Variants in ANGEL1 observed in about 807,000 individuals in gnomAD.
ANGEL1 encodes angel homolog 1.
Under a neutral mutation model 76.4 loss-of-function variants are expected in ANGEL1, and 62 were observed. That is an observed-to-expected ratio of 0.81 (90% CI 0.66 to 1.00). The LOEUF is 1.00. Ranked by LOEUF, ANGEL1 falls within the 50% of genes least tolerant of loss-of-function variation. The pLI, the probability that ANGEL1 is intolerant of heterozygous loss-of-function variation, is 0.00. For synonymous variants in ANGEL1, 340 were observed against 331.7 expected, an observed-to-expected ratio of 1.03 and a Z score of -0.27; for missense variants, 737 against 836.7, an observed-to-expected ratio of 0.88 and a Z score of 1.47.
chr14:76,803,930 G>T lies in ANGEL1; in HGVS notation c.1381-18C>A. The T allele has an allele frequency of 6.2e-7, 1 of 1,614,156 alleles. No homozygotes were observed. Among genetic ancestry groups the T allele is most frequent in the Non-Finnish European group, 8.5e-7 (1 of 1,180,034 alleles). On this transcript the variant is annotated intron_variant, in intron 5 of 9. Transcript: ENST00000251089. Reference sequence around the variant, plus strand: ...CCAGATACCTGGGTGGAAAAAGAAGGGTGGGAATAAGGAAACCAAGATAGA... The same window carrying T: ...CCAGATACCTGGGTGGAAAAAGAAGTGTGGGAATAAGGAAACCAAGATAGA...
rs1234952860 is a variant in ANGEL1, at chr14:76,788,530, T to C, written c.*698A>G. On this transcript the variant is annotated 3_prime_UTR_variant, in exon 10 of 10. Coordinates refer to ENST00000251089, the MANE Select transcript of ANGEL1 (RefSeq NM_015305.4). ...TAGCGCATCCCCCAAAATTTGCCACTCCAGGATGTGGGCCCCATTTGTTCC... is the reference window on the plus strand; with the variant it reads ...TAGCGCATCCCCCAAAATTTGCCACCCCAGGATGTGGGCCCCATTTGTTCC... 6.6e-6 allele frequency: 1 copy of C among 152,324 alleles called. No individual in the cohort carries two copies. The highest frequency in any genetic ancestry group is 1.5e-5 in the Non-Finnish European group (1 of 68,152). The allele number at this position is 152,324 out of a possible 1,614,324, so 9.4% of individuals were successfully genotyped here. A position where few individuals can be genotyped will look rare whatever the true frequency, so the allele number is the denominator to read the frequency against.
chr14:76,801,551 C>T (rs546666852), intron 7 of ANGEL1, among the ~76,000 whole-genome samples: 190 of 152,194 alleles, frequency 1.2e-3, no homozygotes, highest in Middle Eastern at 3.4e-3. Context: ...TCTTTGGGAA[C>T]TCCAATTATG....
intron 4 of ANGEL1, 145 bp from the exon 5 acceptor site, chr14:76,806,994 G>T: frequency 1.1e-6 from 1 of 939,572 alleles, no homozygotes; most frequent in Non-Finnish European, 1.6e-6. Flanking sequence ...CCTTGGTTCA[G>T]CAGGTTCCCC....
intron 7 of ANGEL1, among the ~76,000 whole-genome samples, chr14:76,797,937 T>C (rs1257111225): frequency 6.6e-6 from 1 of 152,202 alleles, no homozygotes; most frequent in Non-Finnish European, 1.5e-5. Flanking sequence ...GTTGAAATCC[T>C]AACCCCCACG....
chr14:76,807,248 A>G (rs1435390127), intron 4 of ANGEL1, among the ~76,000 whole-genome samples, 185 bp downstream of exon 4: 2 of 152,260 alleles, frequency 1.3e-5, no homozygotes, highest in Middle Eastern at 3.2e-3. Flanking sequence ...AGGATCAAAT[A>G]GCAATGTATG....
Position 76,809,436 on chromosome 14 carries a change from A to C in ANGEL1, c.272T>G (p.Leu91Arg). Residue 91 changes from leucine (L) to arginine (R), a missense_variant, in exon 2 of 10, where the codon CTG becomes CGG. By Grantham distance (102) the Leu-to-Arg change is moderately radical. This residue lies in a region of ANGEL1 where 441 missense variants were observed against 449.5 expected (regional missense o/e 0.98). Transcript: ENST00000251089. ...LIDKGLAQSS[L>R]ALLMDNPGEE... The stretch of plus-strand genomic sequence containing the variant: ...TCCAGGATTATCCATCAGAAGTGCC[A>C]GGCTGCTCTGGGCTAGTCCTTTATC... The C allele has an allele frequency of 1.9e-6, 3 of 1,614,262 alleles. No individual in the cohort carries two copies. The highest frequency in any genetic ancestry group is 2.5e-6 in the Non-Finnish European group (3 of 1,180,044).
At position 76,809,172 on chromosome 14, in the gene ANGEL1, G is replaced by A. The variant is rs756529451; in HGVS notation, c.536C>T (p.Ala179Val). ...LATEQWEEDPAVLAWSIAPEP... is the reference protein window; with the variant it reads ...LATEQWEEDPVVLAWSIAPEP... ...AGGTGCTATGCTCCAGGCCAACACC[G>A]CTGGGTCCTCTTCCCACTGCTCTGT... is the stretch of plus-strand genomic sequence containing the variant. Residue 179 changes from alanine to valine, a missense_variant, in exon 2 of 10, where the codon GCG becomes GTG. Coordinates refer to ENST00000251089, the MANE Select transcript of ANGEL1 (RefSeq NM_015305.4). The A allele has an allele frequency of 1.7e-5, 27 of 1,613,834 alleles. No individual in the cohort carries two copies. The highest frequency in any genetic ancestry group is 3.3e-4 in the Middle Eastern group (2 of 6,084).
chr14:76,800,405 T>C (rs1341995641), intron 7 of ANGEL1, among the ~76,000 whole-genome samples: 1 of 152,250 alleles, frequency 6.6e-6, no homozygotes, highest in African/African-American at 2.4e-5. Flanking sequence ...GCTGTAATAA[T>C]ACTTTGACTT....
rs1471608236 is a variant in ANGEL1 at position 76,812,858 on chromosome 14, C to T, written c.-31G>A. On this transcript the variant is annotated 5_prime_UTR_variant, in exon 1 of 10. Coordinates refer to ENST00000251089, the MANE Select transcript of ANGEL1 (RefSeq NM_015305.4). ...GCCGCCCGCGCCCGCCTCCGCTCCT[C>T]ACTGCAGCCAGCAGGTCCTCCCTCA... is the stretch of plus-strand genomic sequence containing the variant. The T allele has an allele frequency of 1.3e-5, 19 of 1,491,930 alleles. No individual in the cohort carries two copies. Among genetic ancestry groups the T allele is most frequent in the Non-Finnish European group, 1.5e-5 (17 of 1,123,382 alleles). 92.4% of individuals were successfully genotyped at this position (1,491,930 alleles called of 1,614,324 possible).
At chr14:76,799,964 G>A (rs1894713120) in intron 7 of ANGEL1, among the ~76,000 whole-genome samples, 1 of 151,952 alleles carries the variant, frequency 6.6e-6, no homozygotes, top group South Asian at 2.1e-4. Flanking sequence ...TCAGCCCTGG[G>A]TAGGAGCATT....
At chr14:76,810,892 G>A (rs1312152699) in intron 1 of ANGEL1, among the ~76,000 whole-genome samples, 2 of 152,182 alleles carry the variant, frequency 1.3e-5, no homozygotes, top group Admixed American at 1.3e-4. Context: ...TTACAGCACA[G>A]GACGAGTAAC....
chr14:76,799,248 A>G (rs1894678221), intron 7 of ANGEL1, among the ~76,000 whole-genome samples: 1 of 143,084 alleles, frequency 7.0e-6, no homozygotes, highest in Non-Finnish European at 1.5e-5. Context: ...CTCACACACT[A>G]AGATCTCGTT....
chr14:76,793,002 CCACT>C (rs1433317300), intron 7 of ANGEL1, among the ~76,000 whole-genome samples: 23 of 152,106 alleles, frequency 1.5e-4, no homozygotes, highest in African/African-American at 5.5e-4. Context: ...CCTAAGAAAT[CCACT>C]AAGAAACTAT....
chr14:76,810,947 AT>A (rs944753831), intron 1 of ANGEL1, among the ~76,000 whole-genome samples: 132 of 151,896 alleles, frequency 8.7e-4, no homozygotes, highest in African/African-American at 3.0e-3. Flanking sequence ...TTTATTGGCA[AT>A]TTTTTTTTAA....
In ANGEL1 at chr14:76,787,527, C is replaced by G. The variant is rs902992768; in HGVS notation, c.*1701G>C. The G allele has an allele frequency of 1.3e-5, 2 of 152,628 alleles. No individual in the cohort carries two copies. Among genetic ancestry groups the G allele is most frequent in the African/African-American group, 2.4e-5 (1 of 41,434 alleles). The allele number at this position is 152,628 out of a possible 1,614,324, so 9.5% of individuals were successfully genotyped here. A position where few individuals can be genotyped will look rare whatever the true frequency, so the allele number is the denominator to read the frequency against. On this transcript the variant is annotated 3_prime_UTR_variant, in exon 10 of 10. Coordinates refer to ENST00000251089, the MANE Select transcript of ANGEL1 (RefSeq NM_015305.4). ...TGGTGGGGTGTAGACAGACCTGGGG[C>G]TCAGACAGGCACATGCCCAGTACCC...
chr14:76,803,675 G>GA, intron 6 of ANGEL1, 111 bp downstream of exon 6: 2 of 1,471,252 alleles, frequency 1.4e-6, no homozygotes, highest in Non-Finnish European at 9.2e-7. Context: ...GAAAACAGAG[G>GA]AATCTGCTAA....
intron 7 of ANGEL1, among the ~76,000 whole-genome samples, chr14:76,796,540 C>T (rs906262919): frequency 2.6e-5 from 4 of 152,142 alleles, no homozygotes; most frequent in African/African-American, 9.7e-5. Flanking sequence ...CAGGCATGAG[C>T]CACTGTGCCC....
At chr14:76,807,616 C>T in intron 3 of ANGEL1, 114 bp from the exon 4 acceptor site, 1 of 987,412 alleles carries the variant, frequency 1.0e-6, no homozygotes, top group Non-Finnish European at 1.6e-6. Context: ...TGAAACTTCC[C>T]AGAGTCACCA....
chr14:76,808,446 C>T (rs1429076756), intron 2 of ANGEL1, among the ~76,000 whole-genome samples: 3 of 147,848 alleles, frequency 2.0e-5, no homozygotes, highest in Non-Finnish European at 4.6e-5. Flanking sequence ...CATGAATCTC[C>T]GGAGAATCAC....
Sources: allele counts gnomAD v4.1 joint callset (sites outside exome capture counted in the v4.1 genomes callset), GRCh38; gene constraint gnomAD v4.1.1; regional missense constraint gnomAD v4.1.1; transcripts MANE v1.5; gene names NCBI Gene and HGNC (gene_info 2026-07-23, HGNC 2026-07-21).